The following PAG1 variants were observed in gnomAD, a reference collection of about 807,000 sequenced individuals.
PAG1 encodes phosphoprotein associated with glycosphingolipid-enriched microdomains 1.
Under a neutral mutation model 31.7 loss-of-function variants are expected in PAG1, and 23 were observed. The observed-to-expected ratio is 0.73, with a 90% confidence interval of 0.52 to 1.03. PAG1 has a LOEUF of 1.03. Among genes scored for constraint, PAG1 ranks in the 50% least tolerant of loss-of-function variants. The pLI, the probability that PAG1 is intolerant of heterozygous loss-of-function variation, is 0.00. For missense variants in PAG1, 473 were observed against 540.7 expected (o/e 0.87, Z 1.24); for synonymous variants, 214 against 210.3 (o/e 1.02, Z -0.15).
intron 2 of PAG1, among the ~76,000 whole-genome samples, chr8:81,053,230 C>T (rs1808761537): frequency 6.6e-6 from 1 of 152,090 alleles, no homozygotes; most frequent in Admixed American, 6.6e-5. Context: ...GCCAATGAGG[C>T]CCTGAATAAA....
intron 3 of PAG1, among the ~76,000 whole-genome samples, chr8:81,020,839 T>TTAATAAACTTAATAA (rs1475648024): frequency 1.3e-5 from 2 of 152,242 alleles, no homozygotes; most frequent in Non-Finnish European, 2.9e-5. Context: ...AATTTCATCC[T>TTAATAAACTTAATAA]TAATAAACTC....
chr8:81,095,361 C>T (rs1809513263), intron 1 of PAG1, among the ~76,000 whole-genome samples: 2 of 152,188 alleles, frequency 1.3e-5, no homozygotes, highest in Non-Finnish European at 2.9e-5. Flanking sequence ...TGTGCTGCTA[C>T]CAGAGTTATC....
chr8:81,027,980 A>G (rs1563634818), intron 3 of PAG1, among the ~76,000 whole-genome samples: 1 of 151,510 alleles, frequency 6.6e-6, no homozygotes, highest in African/African-American at 2.4e-5. Context: ...AAGCCTAAAG[A>G]CGAGGGTCCC....
At chr8:81,012,179 A>T (rs958499097) in intron 3 of PAG1, among the ~76,000 whole-genome samples, 3 of 152,182 alleles carry the variant, frequency 2.0e-5, no homozygotes, top group Non-Finnish European at 2.9e-5. Context: ...TCCTTCCATT[A>T]TTACCACATG....
chr8:81,037,973 G>C (rs554740191), intron 2 of PAG1, among the ~76,000 whole-genome samples: 3 of 152,194 alleles, frequency 2.0e-5, no homozygotes, highest in Non-Finnish European at 2.9e-5. Flanking sequence ...CTGCCATTGT[G>C]CATCATGGGC....
At position 80,987,714 on chromosome 8, in the gene PAG1, TATG is replaced by T. The variant is rs762378128; in HGVS notation, c.178-251_178-249del. 8.5e-4 allele frequency among the ~76,000 whole-genome samples: 129 copies of T among 152,344 alleles called. No individual in the cohort carries two copies. The Middle Eastern group carries it at 0.01, about 12-fold the overall frequency. On this transcript the variant is annotated intron_variant, in intron 5 of 8. Transcript: ENST00000220597. ...TTTTCCTATCCATATATGTTATACC[TATG>T]ATGATGTTTAATTTATAAGTACAGT... is the stretch of plus-strand genomic sequence containing the variant.
Position 80,987,482 on chromosome 8 carries a change from A to G in PAG1, c.178-16T>C. ...TGTCTGAAGGCTGAAAACAAAAACA[A>G]AAACAAAAACAAATGCATCACATTG... On this transcript the variant is annotated splice_polypyrimidine_tract_variant and intron_variant, in intron 5 of 8. Coordinates refer to ENST00000220597, the MANE Select transcript of PAG1 (RefSeq NM_018440.4). 3 of 1,561,222 alleles carry G rather than the reference A, an allele frequency of 1.9e-6. No individual in the cohort carries two copies. The highest frequency in any genetic ancestry group is 1.1e-5 in the South Asian group (1 of 90,036).
At chr8:80,986,940 C>A (rs961941087) in intron 6 of PAG1, among the ~76,000 whole-genome samples, 1 of 152,098 alleles carries the variant, frequency 6.6e-6, no homozygotes, top group Admixed American at 6.5e-5. Flanking sequence ...GACTCCTGAC[C>A]TCAGAATTGC....
At chr8:80,985,506 T>C in intron 6 of PAG1, 129 bp from the exon 7 acceptor site, 2 of 888,272 alleles carry the variant, frequency 2.3e-6, no homozygotes, top group Non-Finnish European at 3.4e-6. Context: ...GCACAAATTA[T>C]AGTTGTTATG....
chr8:80,985,265 C>T lies in PAG1; in HGVS notation c.387G>A (p.Gln129=), dbSNP rs201811660. ...QDSTGKPKCH[Q]SRELPRIPPE... is the part of the protein sequence containing the mutation. ...GAGGGATTCTGGGCAGCTCCCGACTCTGATGACATTTTGGTTTCCCTGTGC... is the reference window on the plus strand; with the variant it reads ...GAGGGATTCTGGGCAGCTCCCGACTTTGATGACATTTTGGTTTCCCTGTGC... Residue 129 remains glutamine, a synonymous_variant, in exon 7 of 9, where the codon CAG becomes CAA. Transcript: ENST00000220597. The T allele has an allele frequency of 6.8e-6, 11 of 1,614,092 alleles. 1 individual carries two copies. In the Admixed American group the frequency reaches 1.2e-4, roughly 17 times the overall value.
At chr8:80,981,926 C>T (rs894829606) in intron 7 of PAG1, among the ~76,000 whole-genome samples, 19 of 135,218 alleles carry the variant, frequency 1.4e-4, no homozygotes, top group African/African-American at 5.4e-4. Context: ...GATGCAGTGG[C>T]GTGATCTTGG....
chr8:81,096,859 G>C (rs1248166860), intron 1 of PAG1, among the ~76,000 whole-genome samples: 3 of 152,222 alleles, frequency 2.0e-5, no homozygotes, highest in Non-Finnish European at 4.4e-5. Context: ...AGGCTGTCAG[G>C]AATTTACTGA....
At chr8:81,016,200 C>T (rs1420977626) in intron 3 of PAG1, among the ~76,000 whole-genome samples, 2 of 152,156 alleles carry the variant, frequency 1.3e-5, no homozygotes, top group Non-Finnish European at 2.9e-5. Context: ...GAATGAGCTG[C>T]TGAGTAAATG....
At chr8:81,060,888 AC>A (rs1808906616) in intron 2 of PAG1, among the ~76,000 whole-genome samples, 1 of 152,356 alleles carries the variant, frequency 6.6e-6, no homozygotes, top group South Asian at 2.1e-4. Flanking sequence ...TGACCACAGA[AC>A]CAACATTTGC....
intron 3 of PAG1, among the ~76,000 whole-genome samples, chr8:81,016,979 C>A (rs1808083438): frequency 6.6e-6 from 1 of 152,080 alleles, no homozygotes; most frequent in African/African-American, 2.4e-5. Flanking sequence ...GTTAAAGCTC[C>A]CAGAAAAGTG....
At chr8:81,001,573 C>T (rs1026691014) in intron 3 of PAG1, among the ~76,000 whole-genome samples, 2 of 152,092 alleles carry the variant, frequency 1.3e-5, no homozygotes, top group African/African-American at 4.8e-5. Flanking sequence ...CCAGGGCCCC[C>T]AAGAGGCTCG....
chr8:81,097,880 A>G (rs1434077041), intron 1 of PAG1, among the ~76,000 whole-genome samples: 1 of 152,132 alleles, frequency 6.6e-6, no homozygotes, highest in East Asian at 1.9e-4. Flanking sequence ...TTGAGTCCTT[A>G]GAAGACAACA....
At chr8:81,060,635 C>T (rs1362337981) in intron 2 of PAG1, among the ~76,000 whole-genome samples, 5 of 152,218 alleles carry the variant, frequency 3.3e-5, no homozygotes, top group Non-Finnish European at 7.3e-5. Context: ...ATTTAATTTA[C>T]TGCCTTTGCT....
At chr8:81,066,702 G>A (rs1203602100) in intron 2 of PAG1, among the ~76,000 whole-genome samples, 2 of 152,138 alleles carry the variant, frequency 1.3e-5, no homozygotes, top group Non-Finnish European at 2.9e-5. Flanking sequence ...CCTCTTAAAA[G>A]TAGCTTAGTT....
Sources: gnomAD v4.1 joint callset for allele counts (sites outside exome capture counted in the v4.1 genomes callset) on GRCh38, gnomAD v4.1.1 for gene constraint, MANE v1.5 for transcripts, NCBI Gene and HGNC (gene_info 2026-07-23, HGNC 2026-07-21) for gene names.